The following PKIG variants were observed in gnomAD, a reference collection of about 807,000 sequenced individuals.
PKIG encodes the protein cAMP-dependent protein kinase inhibitor gamma, also known as protein kinase (cAMP-dependent, catalytic) inhibitor gamma.
A neutral mutation model predicts 6.8 loss-of-function variants in PKIG; 1 was observed. The ratio of observed to expected loss-of-function variants is 0.15; its 90% CI spans 0.05 to 0.69. The LOEUF (loss-of-function observed/expected upper bound fraction) is 0.69, where lower values mean the gene tolerates loss of function less well. Ranked by LOEUF, PKIG falls within the 30% of genes least tolerant of loss-of-function variation. PKIG has a pLI of 0.82. For synonymous variants in PKIG, 39 were observed against 43.0 expected (o/e 0.91, Z 0.36); for missense variants, 77 against 104.0 (o/e 0.74, Z 1.13).
chr20:44,606,264 A>T (rs1014095130), intron 2 of PKIG, among the ~76,000 whole-genome samples: 1 of 152,166 alleles, frequency 6.6e-6, no homozygotes, highest in Non-Finnish European at 1.5e-5. Context: ...GCTCAGGTTC[A>T]CTCCTAGGAG....
intron 1 of PKIG, among the ~76,000 whole-genome samples, chr20:44,554,892 A>C (rs769096974): frequency 6.6e-6 from 1 of 152,208 alleles, no homozygotes; most frequent in Non-Finnish European, 1.5e-5. Context: ...ATACAGGAAA[A>C]TAATCATCTT....
intron 2 of PKIG, among the ~76,000 whole-genome samples, chr20:44,590,134 G>A (rs1324311774): frequency 6.6e-6 from 1 of 152,074 alleles, no homozygotes; most frequent in Non-Finnish European, 1.5e-5. Context: ...CTTAAGAGGG[G>A]ATGGGTTTCC....
chr20:44,585,575 A>G lies in PKIG; in HGVS notation c.-94+2844A>G, dbSNP rs189797259. On this transcript the variant is annotated intron_variant, in intron 1 of 3. Coordinates refer to ENST00000372886, the MANE Select transcript of PKIG (RefSeq NM_001281445.2). Reference sequence around the variant, plus strand: ...GCAGGGGCTAGAGCTTGAGTTCCCAATGAGAACTGGTTGTCCCCGAAGCCC... The same window carrying G: ...GCAGGGGCTAGAGCTTGAGTTCCCAGTGAGAACTGGTTGTCCCCGAAGCCC... Among the ~76,000 whole-genome samples the G allele has an allele frequency of 2.0e-3, 303 of 152,338 alleles. 1 individual carries two copies. The highest frequency in any genetic ancestry group is 5.3e-3 in the African/African-American group (220 of 41,582).
chr20:44,565,579 TCC>T (rs1038763633), intron 1 of PKIG, among the ~76,000 whole-genome samples: 1 of 152,208 alleles, frequency 6.6e-6, no homozygotes, highest in Non-Finnish European at 1.5e-5. Flanking sequence ...TCAGAAACTG[TCC>T]CATAACAGTC....
At chr20:44,567,696 C>T (rs1449702233) in intron 1 of PKIG, among the ~76,000 whole-genome samples, 1 of 152,084 alleles carries the variant, frequency 6.6e-6, no homozygotes, top group Non-Finnish European at 1.5e-5. Flanking sequence ...CTTCCAGTGC[C>T]GGGCACAGGC....
upstream of PKIG, among the ~76,000 whole-genome samples, chr20:44,580,203 G>GA (rs1424719032): frequency 6.6e-6 from 1 of 152,142 alleles, no homozygotes. Context: ...GAGTAAGGCT[G>GA]TTATTCTTCT....
At chr20:44,575,759 T>TC (rs2064891581) in intron 1 of PKIG, among the ~76,000 whole-genome samples, 1 of 152,178 alleles carries the variant, frequency 6.6e-6, no homozygotes, top group South Asian at 2.1e-4. Flanking sequence ...AGGCCTCCTG[T>TC]CTTTGGCTGT....
intron 1 of PKIG, among the ~76,000 whole-genome samples, chr20:44,560,029 T>A (rs1191260569): frequency 6.9e-6 from 1 of 145,772 alleles, no homozygotes; most frequent in Non-Finnish European, 1.5e-5. Flanking sequence ...ATTTTTTTCA[T>A]GGGCAAAACC....
intron 1 of PKIG, among the ~76,000 whole-genome samples, chr20:44,553,765 C>G (rs1000543592): frequency 5.9e-5 from 9 of 152,086 alleles, no homozygotes; most frequent in African/African-American, 2.2e-4. Flanking sequence ...CATATGTGAA[C>G]ATGTTCCTGT....
intron 2 of PKIG, among the ~76,000 whole-genome samples, chr20:44,601,347 C>T (rs2065120115): frequency 1.3e-5 from 2 of 152,260 alleles, no homozygotes; most frequent in African/African-American, 4.8e-5. Context: ...ACAGGCACTG[C>T]CCAGGCAGGC....
intron 2 of PKIG, among the ~76,000 whole-genome samples, chr20:44,610,500 T>TCACACACACACACA (rs559846553): frequency 0.015 from 2,011 of 135,420 alleles, 55 homozygotes; most frequent in African/African-American, 0.054. Context: ...TCTCTCTCTC[T>TCACACACACACACA]CACACACACA....
chr20:44,600,386 G>A (rs181067927), intron 2 of PKIG, among the ~76,000 whole-genome samples: 1 of 152,292 alleles, frequency 6.6e-6, no homozygotes, highest in African/African-American at 2.4e-5. Flanking sequence ...TTTTGAGAAC[G>A]TTACCCTGCC....
chr20:44,536,509 G>C (rs1048703384), intron 1 of PKIG, among the ~76,000 whole-genome samples: 2 of 152,170 alleles, frequency 1.3e-5, no homozygotes, highest in African/African-American at 4.8e-5. Context: ...AACAGGACTT[G>C]ACCAACAAGA....
Position 44,614,417 on chromosome 20 carries a change from C to G in PKIG, c.-23-117C>G. ...TTTTCTGTGCTTTTTGCTTTGTTTT[C>G]AATAAGAGGCAATAACTGTCATTTT... On this transcript the variant is annotated intron_variant, in intron 2 of 3. Coordinates refer to ENST00000372886, the MANE Select transcript of PKIG (RefSeq NM_001281445.2). The surrounding 1 kb of genome is among the most constrained non-coding windows in gnomAD (Gnocchi z 4.6). 1 of 716,242 alleles carries G rather than the reference C, an allele frequency of 1.4e-6. No homozygotes were observed. 44.4% of individuals were successfully genotyped at this position (716,242 alleles called of 1,614,324 possible).
chr20:44,612,297 G>C (rs1164022650), intron 2 of PKIG, among the ~76,000 whole-genome samples: 1 of 152,076 alleles, frequency 6.6e-6, no homozygotes, highest in Non-Finnish European at 1.5e-5. Context: ...CCTATAGGCT[G>C]CTATTACTGA....
At chr20:44,611,273 C>T (rs184767081) in intron 2 of PKIG, among the ~76,000 whole-genome samples, 5 of 152,178 alleles carry the variant, frequency 3.3e-5, no homozygotes, top group Admixed American at 1.3e-4. Context: ...AGCCCAGTCT[C>T]GAACTTCTGA....
chr20:44,605,310 G>A (rs2065154409), intron 2 of PKIG, among the ~76,000 whole-genome samples: 1 of 151,678 alleles, frequency 6.6e-6, no homozygotes, highest in Admixed American at 6.6e-5. Context: ...AGGAGGCTGA[G>A]GCAGGAGAAT....
At chr20:44,595,250 T>C (rs983631533) in intron 2 of PKIG, among the ~76,000 whole-genome samples, 1 of 152,212 alleles carries the variant, frequency 6.6e-6, no homozygotes, top group African/African-American at 2.4e-5. Flanking sequence ...CTGGGCAAAG[T>C]ATCTGTAGCT....
At chr20:44,542,004 T>G (rs1018984938) in intron 1 of PKIG, among the ~76,000 whole-genome samples, 2 of 152,178 alleles carry the variant, frequency 1.3e-5, no homozygotes, top group Non-Finnish European at 2.9e-5. Flanking sequence ...TAGCTTATTT[T>G]CTTATTTGTA....
Sources: gnomAD v4.1 joint callset for allele counts (sites outside exome capture counted in the v4.1 genomes callset) on GRCh38, gnomAD v4.1.1 for gene constraint, Gnocchi (gnomAD v3.1) non-coding constraint, MANE v1.5 for transcripts, NCBI Gene and HGNC (gene_info 2026-07-23, HGNC 2026-07-21) for gene names.